Variants in PIK3C2G observed in about 807,000 individuals in gnomAD.
PIK3C2G encodes the protein phosphatidylinositol-4-phosphate 3-kinase catalytic subunit type 2 gamma, also known as phosphatidylinositol 3-kinase C2 domain-containing subunit gamma.
In PIK3C2G, 168 loss-of-function variants were observed where a neutral mutation model predicts 181.1. That is an observed-to-expected ratio of 0.93 (90% confidence interval 0.82 to 1.05). PIK3C2G has a LOEUF of 1.05. Among genes scored for constraint, PIK3C2G ranks in the 50% least tolerant of loss-of-function variants. PIK3C2G has a pLI of 0.00. For missense variants in PIK3C2G, 1,869 were observed against 1,732.8 expected, an observed-to-expected ratio of 1.08 and a Z score of -1.40; for synonymous variants, 573 against 592.2, an observed-to-expected ratio of 0.97 and a Z score of 0.47.
At chr12:18,416,532 C>G (rs146640267) in intron 16 of PIK3C2G, among the ~76,000 whole-genome samples, 1 of 152,176 alleles carries the variant, frequency 6.6e-6, no homozygotes, top group African/African-American at 2.4e-5. Flanking sequence ...CTTGTTAGGA[C>G]TATGCAGCTG....
At chr12:18,287,839 C>T (rs771441081) in intron 3 of PIK3C2G, among the ~76,000 whole-genome samples, 46 of 145,918 alleles carry the variant, frequency 3.2e-4, no homozygotes, top group Admixed American at 2.4e-3. Context: ...CCAGCCTGGG[C>T]GACAGAATGA....
chr12:18,245,830 T>C (rs1948034126), upstream of PIK3C2G, among the ~76,000 whole-genome samples: 1 of 152,170 alleles, frequency 6.6e-6, no homozygotes, highest in African/African-American at 2.4e-5. Flanking sequence ...CCATATTTTT[T>C]TATTTATAAA....
intron 31 of PIK3C2G, among the ~76,000 whole-genome samples, chr12:18,616,011 T>C (rs1948595060): frequency 1.3e-5 from 2 of 152,194 alleles, no homozygotes; most frequent in South Asian, 2.1e-4. Context: ...TACACACCAC[T>C]CATTCTATCT....
chr12:18,439,821 G>C (rs1946647267), intron 18 of PIK3C2G, among the ~76,000 whole-genome samples: 1 of 151,920 alleles, frequency 6.6e-6, no homozygotes, highest in African/African-American at 2.4e-5. Context: ...AATGTCTATA[G>C]CATAAAGATC....
chr12:18,388,600 G>A (rs542567408), intron 14 of PIK3C2G, among the ~76,000 whole-genome samples: 48 of 152,210 alleles, frequency 3.2e-4, no homozygotes, highest in African/African-American at 1.1e-3. Flanking sequence ...ACCAACCTAC[G>A]CACAGTCCAA....
chr12:18,371,519 T>C (rs1272023972), intron 13 of PIK3C2G, among the ~76,000 whole-genome samples: 1 of 152,188 alleles, frequency 6.6e-6, no homozygotes, highest in Non-Finnish European at 1.5e-5. Flanking sequence ...GCTGAACTTG[T>C]CAGCTGGATC....
chr12:18,655,687 A>T, the PIK3C2G span, among the ~76,000 whole-genome samples: 3 of 152,020 alleles, frequency 2.0e-5, no homozygotes, highest in Admixed American at 2.0e-4. Context: ...ACAAGATGTG[A>T]TGAAAGTGGC....
chr12:18,309,921 T>C (rs557739287), intron 5 of PIK3C2G, among the ~76,000 whole-genome samples: 1 of 151,970 alleles, frequency 6.6e-6, no homozygotes, highest in Admixed American at 6.6e-5. Flanking sequence ...CTAGAGTCAG[T>C]TGTGTTTATT....
chr12:18,391,197 C>T lies in PIK3C2G; in HGVS notation c.2071C>T (p.Leu691=), dbSNP rs779719810. 1.2e-6 allele frequency: 2 copies of T among 1,608,760 alleles called. No homozygotes were observed. The highest frequency in any genetic ancestry group is 1.7e-6 in the Non-Finnish European group (2 of 1,176,932). The change falls in exon 15 of 33, where the codon CTA becomes TTA. Residue 691 remains leucine (L), a synonymous_variant. Coordinates refer to ENST00000538779, the MANE Select transcript of PIK3C2G (RefSeq NM_001288772.2). Reference sequence around the variant, plus strand: ...GAATAGAAGTAATCTTGAAGAGCCACTAAAGGAGTGTATAAAACATATTGC... The same window carrying T: ...GAATAGAAGTAATCTTGAAGAGCCATTAAAGGAGTGTATAAAACATATTGC... ...EENRSNLEEP[L]KECIKHIARL... is the part of the protein sequence containing the mutation.
At chr12:18,586,629 T>C (rs1176856238) in intron 29 of PIK3C2G, among the ~76,000 whole-genome samples, 2 of 152,132 alleles carry the variant, frequency 1.3e-5, no homozygotes, top group Non-Finnish European at 2.9e-5. Flanking sequence ...ATAGCTGAAT[T>C]CTACCAGATG....
chr12:18,317,480 T>C (rs1238222943), intron 6 of PIK3C2G, among the ~76,000 whole-genome samples: 1 of 152,200 alleles, frequency 6.6e-6, no homozygotes, highest in Admixed American at 6.5e-5. Flanking sequence ...ACTTGTTACA[T>C]GCCGTTCATA....
At chr12:18,703,834 T>C in the PIK3C2G span, among the ~76,000 whole-genome samples, 1 of 152,100 alleles carries the variant, frequency 6.6e-6, no homozygotes, top group Non-Finnish European at 1.5e-5. Flanking sequence ...TCTAACTGAA[T>C]CCCAAGCCTT....
chr12:18,599,566 T>C (rs558431696), intron 30 of PIK3C2G, among the ~76,000 whole-genome samples: 3 of 151,976 alleles, frequency 2.0e-5, no homozygotes, highest in South Asian at 2.1e-4. Context: ...AGTTAGTGGG[T>C]GCAGCACACC....
intron 16 of PIK3C2G, among the ~76,000 whole-genome samples, chr12:18,405,934 T>C (rs1944503837): frequency 6.6e-6 from 1 of 152,170 alleles, no homozygotes; most frequent in African/African-American, 2.4e-5. Context: ...GATACATTGT[T>C]ATTAACTCTG....
the PIK3C2G span, among the ~76,000 whole-genome samples, chr12:18,715,192 GGAGAGAGA>G: frequency 1.6e-3 from 14 of 8,940 alleles, 1 homozygote; most frequent in African/African-American, 3.6e-3. Flanking sequence ...GCGGAGGGAG[GGAGAGAGA>G]GAGAGAGAGA....
At chr12:18,717,727 G>T in the PIK3C2G span, among the ~76,000 whole-genome samples, 40 of 152,164 alleles carry the variant, frequency 2.6e-4, no homozygotes, top group African/African-American at 8.7e-4. Flanking sequence ...TGAACATCTT[G>T]ATTCCTCTCT....
At chr12:18,376,992 C>A (rs1942492210) in intron 13 of PIK3C2G, among the ~76,000 whole-genome samples, 1 of 152,156 alleles carries the variant, frequency 6.6e-6, no homozygotes, top group African/African-American at 2.4e-5. Context: ...TCAGGAATTT[C>A]TTTTTAGTGA....
rs574040402 is a variant in PIK3C2G, at chr12:18,346,614, A to G, written c.1430-27A>G. 3.5e-4 allele frequency: 509 copies of G among 1,441,198 alleles called. 2 individuals are homozygous for G. The Middle Eastern group carries it at 8.7e-3, about 25-fold the overall frequency. The allele number at this position is 1,441,198 out of a possible 1,614,324, so 89.3% of individuals were successfully genotyped here. A position where few individuals can be genotyped will look rare whatever the true frequency, so the allele number is the denominator to read the frequency against. On this transcript the variant is annotated intron_variant, in intron 10 of 32. Coordinates refer to ENST00000538779, the MANE Select transcript of PIK3C2G (RefSeq NM_001288772.2). ...ATGATAAATATGGCCCTTCTTAGTG[A>G]CTTGATCTCTATCTCTTCCTTTCTA...
intron 24 of PIK3C2G, among the ~76,000 whole-genome samples, chr12:18,516,501 T>G (rs2136162964): frequency 6.6e-6 from 1 of 152,246 alleles, no homozygotes; most frequent in East Asian, 1.9e-4. Flanking sequence ...GGGCTTCCTC[T>G]ACCTGAACAA....
Sources: allele counts gnomAD v4.1 joint callset (sites outside exome capture counted in the v4.1 genomes callset), GRCh38; gene constraint gnomAD v4.1.1; transcripts MANE v1.5; gene names NCBI Gene and HGNC (gene_info 2026-07-23, HGNC 2026-07-21).